Variants in ERC1 observed in about 807,000 individuals in gnomAD.
ERC1 encodes RAB6 interacting protein 2.
ERC1 carries 56 observed loss-of-function variants against 132.0 expected under a neutral mutation model. The observed-to-expected ratio is 0.42, with a 90% CI of 0.34 to 0.53. The LOEUF is 0.53. Among genes scored for constraint, ERC1 ranks in the 20% least tolerant of loss-of-function variants. ERC1 has a pLI of 0.03. For synonymous variants in ERC1, 478 were observed against 476.1 expected (o/e 1.00, Z -0.05); for missense variants, 1,202 against 1,349.9 (o/e 0.89, Z 1.72).
In ERC1 at chr12:1,434,325, T is replaced by C. The variant is rs75518368; in HGVS notation, c.3025-10237T>C. 4.5e-3 allele frequency among the ~76,000 whole-genome samples: 679 copies of C among 152,288 alleles called. 9 individuals carry two copies. Among genetic ancestry groups the C allele is most frequent in the African/African-American group, 0.015 (644 of 41,558 alleles). ...AGAGCCTGGGAGATTAAAAAATAGA[T>C]ATATGAAGATTCTATATAAGCTTAA... On this transcript the variant is annotated intron_variant, in intron 17 of 18. Transcript: ENST00000360905.
chr12:1,041,865 C>T (rs987121183), intron 2 of ERC1, among the ~76,000 whole-genome samples: 2 of 152,128 alleles, frequency 1.3e-5, no homozygotes, highest in Non-Finnish European at 1.5e-5. Flanking sequence ...TAAGGAAGCC[C>T]TTATATTGTA....
chr12:999,177 G>A (rs943400484), intron 1 of ERC1, among the ~76,000 whole-genome samples: 4 of 152,014 alleles, frequency 2.6e-5, no homozygotes, highest in Non-Finnish European at 5.9e-5. Flanking sequence ...CACCTTTTGA[G>A]TCTTTCTGTG....
chr12:1,079,938 G>A (rs1286433954), intron 2 of ERC1, among the ~76,000 whole-genome samples: 1 of 152,200 alleles, frequency 6.6e-6, no homozygotes, highest in East Asian at 1.9e-4. Flanking sequence ...TTTGTAATAT[G>A]TATCAGAATT....
At chr12:1,210,847 T>C (rs890741438) in intron 12 of ERC1, among the ~76,000 whole-genome samples, 4 of 151,982 alleles carry the variant, frequency 2.6e-5, no homozygotes. Context: ...ATACAAAAAT[T>C]AGTTGGGTGT....
chr12:1,289,170 C>T (rs1235057961), intron 14 of ERC1, among the ~76,000 whole-genome samples: 1 of 143,588 alleles, frequency 7.0e-6, no homozygotes, highest in Non-Finnish European at 1.5e-5. Flanking sequence ...TCCTTCCTGC[C>T]TATATAATAT....
chr12:1,266,100 C>T (rs919463810), intron 14 of ERC1, among the ~76,000 whole-genome samples: 1 of 152,102 alleles, frequency 6.6e-6, no homozygotes, highest in Non-Finnish European at 1.5e-5. Context: ...GTGGTAAGAT[C>T]ATATGGTAGG....
At chr12:1,474,660 T>A (rs1450656796) in intron 18 of ERC1, among the ~76,000 whole-genome samples, 1 of 152,164 alleles carries the variant, frequency 6.6e-6, no homozygotes, top group East Asian at 1.9e-4. Flanking sequence ...CTTCTCTTTC[T>A]CCATTCAGCC....
At chr12:1,445,669 G>C (rs553689205) in intron 18 of ERC1, among the ~76,000 whole-genome samples, 6 of 152,330 alleles carry the variant, frequency 3.9e-5, no homozygotes, top group Non-Finnish European at 7.4e-5. Flanking sequence ...GTCTTGAACA[G>C]ATATTTGGAA....
At chr12:1,149,950 C>T (rs1005876780) in intron 8 of ERC1, among the ~76,000 whole-genome samples, 2 of 152,132 alleles carry the variant, frequency 1.3e-5, no homozygotes, top group African/African-American at 4.8e-5. Flanking sequence ...TTGAACTAAT[C>T]TCTGGGACCA....
intron 15 of ERC1, among the ~76,000 whole-genome samples, chr12:1,324,206 C>G (rs999306305): frequency 2.6e-5 from 4 of 152,118 alleles, no homozygotes; most frequent in African/African-American, 9.7e-5. Context: ...TGCTTTTGCT[C>G]TGGAGAAGGC....
At chr12:1,000,640 G>A (rs188419396) in intron 1 of ERC1, among the ~76,000 whole-genome samples, 43 of 152,302 alleles carry the variant, frequency 2.8e-4, no homozygotes, top group Admixed American at 5.9e-4. Flanking sequence ...GTGTGTGCCT[G>A]TAGTCCTAGC....
chr12:1,278,068 C>A (rs2078404528), intron 14 of ERC1, among the ~76,000 whole-genome samples: 1 of 152,180 alleles, frequency 6.6e-6, no homozygotes, highest in Non-Finnish European at 1.5e-5. Flanking sequence ...AGTGAGACTG[C>A]TGGAAATACG....
chr12:1,014,558 T>G (rs1965213213), intron 1 of ERC1, among the ~76,000 whole-genome samples: 1 of 152,152 alleles, frequency 6.6e-6, no homozygotes, highest in Admixed American at 6.5e-5. Flanking sequence ...AAAAGGTGAT[T>G]CCATCTGGTC....
intron 15 of ERC1, among the ~76,000 whole-genome samples, chr12:1,309,712 G>A (rs1251289549): frequency 3.1e-5 from 4 of 129,170 alleles, no homozygotes; most frequent in Non-Finnish European, 6.5e-5. Flanking sequence ...TGTGCACTCT[G>A]ACTTTTTTTT....
At chr12:1,172,615 T>C (rs1953194768) in intron 8 of ERC1, among the ~76,000 whole-genome samples, 1 of 152,182 alleles carries the variant, frequency 6.6e-6, no homozygotes, top group African/African-American at 2.4e-5. Flanking sequence ...TAAATGCCAG[T>C]TCCTTTGATC....
intron 2 of ERC1, among the ~76,000 whole-genome samples, chr12:1,041,998 C>T (rs1809779822): frequency 6.6e-6 from 1 of 152,174 alleles, no homozygotes; most frequent in Admixed American, 6.5e-5. Flanking sequence ...ATCCACCCGC[C>T]TTGGCCTCCC....
chr12:1,065,739 C>T (rs764731323), intron 2 of ERC1, among the ~76,000 whole-genome samples: 2 of 151,970 alleles, frequency 1.3e-5, no homozygotes, highest in Non-Finnish European at 2.9e-5. Flanking sequence ...TTTTATGGAG[C>T]AGCTTTTGTG....
In ERC1 at chr12:1,198,033, C is replaced by T. The variant is rs114338510; in HGVS notation, c.2351+7981C>T. Among the ~76,000 whole-genome samples, 1,263 of 152,000 alleles carry T rather than the reference C, an allele frequency of 8.3e-3. 11 individuals are homozygous for T. The highest frequency in any genetic ancestry group is 0.029 in the African/African-American group (1,213 of 41,448). ...CTTAACCTCTTGGGCTCAGGTGATC[C>T]GCCCACCTCAACCTCCTGGGTAGCT... On this transcript the variant is annotated intron_variant, in intron 12 of 18. Coordinates refer to ENST00000360905, the MANE Select transcript of ERC1 (RefSeq NM_178040.4).
At chr12:1,286,198 G>A (rs998472853) in intron 14 of ERC1, among the ~76,000 whole-genome samples, 3 of 150,680 alleles carry the variant, frequency 2.0e-5, no homozygotes, top group Non-Finnish European at 4.4e-5. Context: ...GGAAGCTGAG[G>A]CAGGAGAATT....
Sources: allele counts gnomAD v4.1 joint callset (sites outside exome capture counted in the v4.1 genomes callset), GRCh38; gene constraint gnomAD v4.1.1; transcripts MANE v1.5; gene names NCBI Gene and HGNC (gene_info 2026-07-23, HGNC 2026-07-21).